RYR3: variants seen among roughly 807,000 people sequenced by gnomAD.
RYR3 encodes ryanodine receptor 3, also known as brain ryanodine receptor-calcium release channel.
In RYR3, 207 loss-of-function variants were observed where a neutral mutation model predicts 584.3. That is an observed-to-expected ratio of 0.35 (90% CI 0.32 to 0.40). The LOEUF (loss-of-function observed/expected upper bound fraction) is 0.40. RYR3 is among the 10% of genes least tolerant of loss of function. RYR3 has a pLI of 1.00. For missense variants in RYR3, 5,616 were observed against 6,089.2 expected (o/e 0.92, Z 2.59); for synonymous variants, 2,416 against 2,248.5 (o/e 1.07, Z -2.11).
intron 32 of RYR3, among the ~76,000 whole-genome samples, chr15:33,658,518 T>C (rs548226981): frequency 6.6e-6 from 1 of 152,364 alleles, no homozygotes; most frequent in Non-Finnish European, 1.5e-5. Context: ...TCTAGGGGAA[T>C]GATGACCCAT....
intron 2 of RYR3, among the ~76,000 whole-genome samples, chr15:33,501,341 C>T (rs994466609): frequency 2.6e-5 from 4 of 152,142 alleles, no homozygotes; most frequent in African/African-American, 9.7e-5. Flanking sequence ...GGAAAGCAAG[C>T]TGACTTAGAA....
chr15:33,794,307 TTTTATATATATATATTTTTATA>T (rs2075426459), intron 67 of RYR3, among the ~76,000 whole-genome samples: 1 of 32,050 alleles, frequency 3.1e-5, no homozygotes, highest in Non-Finnish European at 1.1e-4. Context: ...ATATATATAT[TTTTATATATATATATTTTTATA>T]TATGTTTATA....
chr15:33,438,275 G>C (rs2045910106), intron 1 of RYR3, among the ~76,000 whole-genome samples: 1 of 151,982 alleles, frequency 6.6e-6, no homozygotes, highest in Non-Finnish European at 1.5e-5. Flanking sequence ...CTGACACTGT[G>C]TACCTGTAAC....
At chr15:33,598,710 G>A (rs1446876530) in intron 16 of RYR3, among the ~76,000 whole-genome samples, 1 of 151,596 alleles carries the variant, frequency 6.6e-6, no homozygotes, top group Non-Finnish European at 1.5e-5. Flanking sequence ...CCATCATCAT[G>A]GAAGCAGGAA....
intron 42 of RYR3, 22 bp from the exon 43 acceptor site, chr15:33,706,897 A>G (rs1274128497): frequency 1.9e-6 from 3 of 1,578,596 alleles, no homozygotes; most frequent in Non-Finnish European, 2.6e-6. Context: ...GCGAAAGAAC[A>G]CTTTTGTACT....
chr15:33,722,987 A>G, intron 44 of RYR3, 92 bp downstream of exon 44: 3 of 1,163,014 alleles, frequency 2.6e-6, no homozygotes, highest in South Asian at 1.6e-5. Flanking sequence ...TAATAGAGAA[A>G]GCACATGTTC....
At chr15:33,471,798 G>T (rs1001150252) in intron 1 of RYR3, among the ~76,000 whole-genome samples, 1 of 152,096 alleles carries the variant, frequency 6.6e-6, no homozygotes, top group Non-Finnish European at 1.5e-5. Context: ...ACTACCTCTT[G>T]CATTGCTGAT....
In RYR3 at chr15:33,661,722, G is replaced by A. The variant is rs140854017; in HGVS notation, c.4623-431G>A. Among the ~76,000 whole-genome samples the A allele has an allele frequency of 5.1e-3, 777 of 152,196 alleles. 7 individuals carry two copies. Among genetic ancestry groups the A allele is most frequent in the Non-Finnish European group, 8.7e-3 (595 of 68,006 alleles). On this transcript the variant is annotated intron_variant, in intron 34 of 103. Coordinates refer to ENST00000634891, the MANE Select transcript of RYR3 (RefSeq NM_001036.6). ...TTGCTGGTCCTGGTCCATGGCCCCG[G>A]GATTGGGAACCCCTGATGTAGACGG...
intron 1 of RYR3, among the ~76,000 whole-genome samples, chr15:33,321,470 T>C (rs948106897): frequency 2.6e-5 from 4 of 152,210 alleles, no homozygotes; most frequent in African/African-American, 9.6e-5. Context: ...CTGGATCATA[T>C]TGGTTATTTA....
chr15:33,511,300 T>G (rs1231888576), intron 3 of RYR3, among the ~76,000 whole-genome samples: 1 of 138,740 alleles, frequency 7.2e-6, no homozygotes, highest in Non-Finnish European at 1.5e-5. Context: ...ATTTACCAGG[T>G]AGGAAATCCA....
intron 1 of RYR3, among the ~76,000 whole-genome samples, chr15:33,411,049 A>T (rs113915748): frequency 6.6e-6 from 1 of 152,102 alleles, no homozygotes; most frequent in African/African-American, 2.4e-5. Context: ...CTTTTGACAC[A>T]TGGGTATTAT....
At chr15:33,418,347 T>G (rs1045926163) in intron 1 of RYR3, among the ~76,000 whole-genome samples, 1 of 151,950 alleles carries the variant, frequency 6.6e-6, no homozygotes, top group African/African-American at 2.4e-5. Context: ...TTTTTATTAT[T>G]ATTGATTCGT....
At chr15:33,596,937 G>C (rs1314271175) in intron 16 of RYR3, among the ~76,000 whole-genome samples, 1 of 151,940 alleles carries the variant, frequency 6.6e-6, no homozygotes, top group Non-Finnish European at 1.5e-5. Flanking sequence ...CTAACTTTGA[G>C]AGGAACATAG....
chr15:33,609,062 A>C lies in RYR3; in HGVS notation c.2165-4121A>C, dbSNP rs533619138. The stretch of plus-strand genomic sequence containing the variant: ...CGAGCCTCAGGCCAGTATAGAAGCC[A>C]ACAGTGAACCCTCAGAGGACGGGAG... On this transcript the variant is annotated intron_variant, in intron 18 of 103. Coordinates refer to ENST00000634891, the MANE Select transcript of RYR3 (RefSeq NM_001036.6). 5.6e-4 allele frequency among the ~76,000 whole-genome samples: 86 copies of C among 152,354 alleles called. 1 individual carries two copies. In the Middle Eastern group the frequency reaches 0.014, roughly 24 times the overall value.
chr15:33,475,460 C>A (rs1203448703), intron 2 of RYR3, among the ~76,000 whole-genome samples: 1 of 152,136 alleles, frequency 6.6e-6, no homozygotes, highest in Admixed American at 6.6e-5. Flanking sequence ...AACCTAGATC[C>A]CTCACGTGCA....
chr15:33,679,460 T>C (rs899642959), intron 38 of RYR3, among the ~76,000 whole-genome samples: 1 of 152,244 alleles, frequency 6.6e-6, no homozygotes, highest in African/African-American at 2.4e-5. Context: ...TAAAATGTGG[T>C]GGTAAAATTC....
At chr15:33,862,322 C>T (rs1244986319) in intron 102 of RYR3, among the ~76,000 whole-genome samples, 1 of 152,104 alleles carries the variant, frequency 6.6e-6, no homozygotes, top group Non-Finnish European at 1.5e-5. Context: ...AAGACATCCG[C>T]CTCAGCCTCC....
chr15:33,686,188 A>T (rs1236136701), intron 38 of RYR3, among the ~76,000 whole-genome samples: 2 of 152,204 alleles, frequency 1.3e-5, no homozygotes, highest in Non-Finnish European at 2.9e-5. Flanking sequence ...TAGCAAGATT[A>T]ATAAGAAAAG....
chr15:33,519,119 G>A (rs141581582), intron 3 of RYR3, among the ~76,000 whole-genome samples: 10 of 152,268 alleles, frequency 6.6e-5, no homozygotes, highest in African/African-American at 2.4e-4. Flanking sequence ...AGTGGGGAGG[G>A]AGGTCTAGAA....
Sources: gnomAD v4.1 joint callset for allele counts (sites outside exome capture counted in the v4.1 genomes callset) on GRCh38, gnomAD v4.1.1 for gene constraint, MANE v1.5 for transcripts, NCBI Gene and HGNC (gene_info 2026-07-23, HGNC 2026-07-21) for gene names.